IFT81: variants seen among roughly 807,000 people sequenced by gnomAD.
IFT81 encodes the protein intraflagellar transport 81.
A neutral mutation model predicts 102.6 loss-of-function variants in IFT81; 72 were observed. That is an observed-to-expected ratio of 0.70 (90% CI 0.58 to 0.85). IFT81 has a LOEUF of 0.85. Among genes scored for constraint, IFT81 ranks in the 40% least tolerant of loss-of-function variants. The pLI is 0.00. For synonymous variants in IFT81, 237 were observed against 242.7 expected, an observed-to-expected ratio of 0.98 and a Z score of 0.22; for missense variants, 723 against 787.3, an observed-to-expected ratio of 0.92 and a Z score of 0.98.
At chr12:110,183,592 C>G (rs1040892433) in intron 12 of IFT81, among the ~76,000 whole-genome samples, 4 of 152,212 alleles carry the variant, frequency 2.6e-5, no homozygotes, top group African/African-American at 9.6e-5. Flanking sequence ...GCCAAATCAT[C>G]CTTTCCACTT....
At chr12:110,155,762 GCTTTACTGT>G (rs1895805018) in intron 10 of IFT81, among the ~76,000 whole-genome samples, 1 of 151,916 alleles carries the variant, frequency 6.6e-6, no homozygotes, top group Admixed American at 6.6e-5. Context: ...CTCGTTTCCT[GCTTTACTGT>G]CTTTTGTGTT....
intron 10 of IFT81, among the ~76,000 whole-genome samples, chr12:110,152,458 T>G (rs865967433): frequency 2.0e-5 from 3 of 152,238 alleles, no homozygotes; most frequent in South Asian, 2.1e-4. Context: ...TTAATAAATG[T>G]CTCTTTAGGT....
At chr12:110,217,732 T>A (rs1333416003) in intron 18 of IFT81, among the ~76,000 whole-genome samples, 2 of 152,004 alleles carry the variant, frequency 1.3e-5, no homozygotes, top group African/African-American at 2.4e-5. Flanking sequence ...TGGCTAATTT[T>A]TTTTTGTATT....
In IFT81 at chr12:110,203,856, T is replaced by C. The variant is rs2137583731; in HGVS notation, c.1558-8T>C. 6.3e-7 allele frequency: 1 copy of C among 1,598,116 alleles called. No individual in the cohort carries two copies. Among genetic ancestry groups the C allele is most frequent in the Non-Finnish European group, 8.6e-7 (1 of 1,165,756 alleles). On this transcript the variant is annotated splice_polypyrimidine_tract_variant and splice_region_variant and intron_variant, in intron 14 of 18. Coordinates refer to ENST00000242591, the MANE Select transcript of IFT81 (RefSeq NM_014055.4). ...CACTTATTCAATCATTTTCCCTTTTTATACTAGGAACTGACCCAGGAGTGT... is the reference window on the plus strand; with the variant it reads ...CACTTATTCAATCATTTTCCCTTTTCATACTAGGAACTGACCCAGGAGTGT...
intron 17 of IFT81, among the ~76,000 whole-genome samples, chr12:110,207,357 A>T (rs779719749): frequency 6.6e-6 from 1 of 151,490 alleles, no homozygotes; most frequent in East Asian, 2.0e-4. Context: ...ACCACGCCCT[A>T]CTGAAAATGA....
intron 11 of IFT81, among the ~76,000 whole-genome samples, chr12:110,179,771 T>TATATATAC (rs1897232366): frequency 1.9e-5 from 1 of 52,796 alleles, no homozygotes; most frequent in Non-Finnish European, 4.0e-5. Context: ...TATATATATA[T>TATATATAC]ATACACACAC....
intron 12 of IFT81, among the ~76,000 whole-genome samples, chr12:110,186,639 A>G (rs1897543791): frequency 6.6e-6 from 1 of 151,564 alleles, no homozygotes; most frequent in African/African-American, 2.4e-5. Context: ...TCAGCCTCCT[A>G]AGCAGCTGGG....
intron 8 of IFT81, among the ~76,000 whole-genome samples, chr12:110,142,342 A>C (rs1020581757): frequency 2.6e-5 from 4 of 151,862 alleles, no homozygotes; most frequent in Non-Finnish European, 5.9e-5. Flanking sequence ...TAATTTTTGT[A>C]TTGTTAGTAG....
At position 110,150,692 on chromosome 12, in the gene IFT81, A is replaced by G. The variant is rs535015052; in HGVS notation, c.1041+3644A>G. 9.3e-4 allele frequency among the ~76,000 whole-genome samples: 141 copies of G among 152,344 alleles called. 1 individual carries two copies. Among genetic ancestry groups the G allele is most frequent in the Non-Finnish European group, 4.7e-4 (32 of 68,022 alleles). ...ACAACAGTCTCAGAATAAAAGTACCAGTAATACCATCAAGAATATGATTAC... is the reference window on the plus strand; with the variant it reads ...ACAACAGTCTCAGAATAAAAGTACCGGTAATACCATCAAGAATATGATTAC... On this transcript the variant is annotated intron_variant, in intron 10 of 18. Transcript: ENST00000242591.
chr12:110,172,528 A>G (rs1025542030), intron 11 of IFT81, among the ~76,000 whole-genome samples: 3 of 152,094 alleles, frequency 2.0e-5, no homozygotes, highest in Non-Finnish European at 4.4e-5. Context: ...CTGCAATTGC[A>G]GGCGCGCGCC....
chr12:110,191,253 A>T (rs1897785256), intron 13 of IFT81, among the ~76,000 whole-genome samples: 1 of 151,408 alleles, frequency 6.6e-6, no homozygotes, highest in Non-Finnish European at 1.5e-5. Flanking sequence ...TCACTGTAAC[A>T]TCCACCTCTG....
rs1331348367 is a variant in IFT81, at chr12:110,205,745, AAGAT to A, written c.1802+69_1802+72del. ...TTTCACCAATAAAAGTTTTATAAAT[AAGAT>A]AGAATTATACAAATTTAGCATATTT... On this transcript the variant is annotated intron_variant, in intron 17 of 18. Transcript: ENST00000242591. 1.3e-5 allele frequency: 13 copies of A among 1,016,276 alleles called. No individual in the cohort carries two copies. The African/African-American group carries it at 1.5e-4, about 12-fold the overall frequency. The allele number at this position is 1,016,276 out of a possible 1,614,324, so 63.0% of individuals were successfully genotyped here.
intron 13 of IFT81, 63 bp downstream of exon 13, chr12:110,191,111 A>T: frequency 7.1e-7 from 1 of 1,399,996 alleles, no homozygotes. Context: ...GTTTTGTGTT[A>T]GTTTTATTTT....
chr12:110,202,894 A>AC (rs1898366818), intron 14 of IFT81, among the ~76,000 whole-genome samples: 1 of 152,128 alleles, frequency 6.6e-6, no homozygotes, highest in African/African-American at 2.4e-5. Context: ...CATTTCAAAC[A>AC]CCCTAGAATG....
intron 11 of IFT81, chr12:110,169,011 C>G (rs573207034): frequency 6.8e-6 from 1 of 147,864 alleles, no homozygotes; most frequent in South Asian, 2.2e-4. Context: ...GTCTTTCTTT[C>G]TTTTCCTTCC....
intron 8 of IFT81, among the ~76,000 whole-genome samples, chr12:110,139,431 T>C (rs1252312446): frequency 1.3e-5 from 2 of 151,816 alleles, no homozygotes; most frequent in Admixed American, 6.6e-5. Flanking sequence ...TCATACTCCT[T>C]TGGGAGGCCA....
intron 10 of IFT81, among the ~76,000 whole-genome samples, chr12:110,159,531 A>C (rs568036344): frequency 2.2e-4 from 33 of 152,306 alleles, no homozygotes; most frequent in Non-Finnish European, 4.1e-4. Flanking sequence ...AAATTTTCCC[A>C]TATATGCAGT....
At chr12:110,148,183 A>G (rs1455996179) in intron 10 of IFT81, among the ~76,000 whole-genome samples, 1 of 152,022 alleles carries the variant, frequency 6.6e-6, no homozygotes, top group Admixed American at 6.6e-5. Flanking sequence ...CATTTTTCCC[A>G]TGATATTTCT....
chr12:110,209,936 C>G (rs1345797308), intron 18 of IFT81, among the ~76,000 whole-genome samples: 1 of 152,132 alleles, frequency 6.6e-6, no homozygotes, highest in Non-Finnish European at 1.5e-5. Context: ...TTGAGATGCT[C>G]AGCTCCCTCC....
Sources: gnomAD v4.1 joint callset for allele counts (sites outside exome capture counted in the v4.1 genomes callset) on GRCh38, gnomAD v4.1.1 for gene constraint, MANE v1.5 for transcripts, NCBI Gene and HGNC (gene_info 2026-07-23, HGNC 2026-07-21) for gene names.